MSRA: variants seen among roughly 807,000 people sequenced by gnomAD.
MSRA encodes methionine sulfoxide reductase A.
In MSRA, 54 loss-of-function variants were observed where a neutral mutation model predicts 31.3. The ratio of observed to expected loss-of-function variants is 1.73; its 90% CI spans 1.39 to 2.17. MSRA has a LOEUF of 2.17. MSRA is among the 30% of genes most tolerant of loss of function. MSRA has a pLI of 0.00. For missense variants in MSRA, 507 were observed against 300.9 expected (o/e 1.69, Z -5.07); for synonymous variants, 169 against 116.5 (o/e 1.45, Z -2.90).
In MSRA at chr8:10,391,968, G is replaced by A. The variant is rs182438307; in HGVS notation, c.544-36180G>A. On this transcript the variant is annotated intron_variant, in intron 5 of 5. Coordinates refer to ENST00000317173, the MANE Select transcript of MSRA (RefSeq NM_012331.5). ...GAACATGTCTCTAAATTTCCAAAAGGTGGTATTTTAGGCCTAGACTTCAGA... is the reference window on the plus strand; with the variant it reads ...GAACATGTCTCTAAATTTCCAAAAGATGGTATTTTAGGCCTAGACTTCAGA... Among the ~76,000 whole-genome samples the A allele has an allele frequency of 1.2e-4, 18 of 152,300 alleles. No individual in the cohort carries two copies. The East Asian group carries it at 3.5e-3, about 29-fold the overall frequency.
chr8:10,394,804 C>G (rs1806992875), intron 5 of MSRA, among the ~76,000 whole-genome samples: 1 of 152,220 alleles, frequency 6.6e-6, no homozygotes, highest in African/African-American at 2.4e-5. Flanking sequence ...TTGGCTTGTC[C>G]CACCTCCACC....
At chr8:10,222,246 C>G (rs1411659815) in intron 2 of MSRA, among the ~76,000 whole-genome samples, 1 of 152,048 alleles carries the variant, frequency 6.6e-6, no homozygotes, top group Non-Finnish European at 1.5e-5. Context: ...AGCTTTAGGC[C>G]TTTATAGACC....
At chr8:10,258,504 GGCT>G (rs752008654) in intron 3 of MSRA, among the ~76,000 whole-genome samples, 3 of 152,108 alleles carry the variant, frequency 2.0e-5, no homozygotes, top group African/African-American at 7.2e-5. Flanking sequence ...GCTCTCAATA[GGCT>G]CCTGATCAAT....
At chr8:10,225,954 G>C (rs1485061521) in intron 2 of MSRA, among the ~76,000 whole-genome samples, 1 of 152,176 alleles carries the variant, frequency 6.6e-6, no homozygotes, top group Non-Finnish European at 1.5e-5. Flanking sequence ...ATGACTGTGT[G>C]GCATGCCATA....
At chr8:10,321,276 A>T (rs1454908257) in intron 5 of MSRA, among the ~76,000 whole-genome samples, 2 of 152,194 alleles carry the variant, frequency 1.3e-5, no homozygotes, top group African/African-American at 4.8e-5. Flanking sequence ...AGAAGCTACT[A>T]TAAAGCTAAT....
At chr8:10,365,408 A>T (rs1052147895) in intron 5 of MSRA, among the ~76,000 whole-genome samples, 1 of 152,210 alleles carries the variant, frequency 6.6e-6, no homozygotes, top group Non-Finnish European at 1.5e-5. Flanking sequence ...ACATTGTTTC[A>T]TCTTAAAATA....
chr8:10,139,933 G>A (rs924657143), intron 1 of MSRA, among the ~76,000 whole-genome samples: 1 of 152,200 alleles, frequency 6.6e-6, no homozygotes, highest in Non-Finnish European at 1.5e-5. Context: ...GAAGATTTCT[G>A]TTCTTACCCA....
intron 3 of MSRA, among the ~76,000 whole-genome samples, chr8:10,245,572 G>A (rs1797581140): frequency 6.6e-6 from 1 of 152,208 alleles, no homozygotes; most frequent in Non-Finnish European, 1.5e-5. Flanking sequence ...ATGTGGCTAA[G>A]GTCAACCTGT....
At chr8:10,103,836 T>C (rs1013248365) in intron 1 of MSRA, among the ~76,000 whole-genome samples, 1 of 145,076 alleles carries the variant, frequency 6.9e-6, no homozygotes, top group African/African-American at 2.6e-5. Flanking sequence ...ATATTTATTT[T>C]CCTCAGATGT....
At chr8:10,177,571 C>T (rs150861646) in intron 1 of MSRA, among the ~76,000 whole-genome samples, 1 of 152,158 alleles carries the variant, frequency 6.6e-6, no homozygotes. Context: ...GTCACTGTTT[C>T]ATATGCTATA....
intron 3 of MSRA, among the ~76,000 whole-genome samples, chr8:10,269,820 G>A (rs2952180): frequency 6.6e-6 from 1 of 151,986 alleles, no homozygotes; most frequent in Non-Finnish European, 1.5e-5. Context: ...CCCGGCTAAT[G>A]TTTTGTATTT....
chr8:10,269,286 A>G (rs914445321), intron 3 of MSRA, among the ~76,000 whole-genome samples: 16 of 152,246 alleles, frequency 1.1e-4, no homozygotes, highest in African/African-American at 2.7e-4. Flanking sequence ...ATTGTAACTC[A>G]TCCCTTTGTC....
intron 5 of MSRA, among the ~76,000 whole-genome samples, chr8:10,426,354 A>T (rs1481095034): frequency 6.6e-6 from 1 of 152,190 alleles, no homozygotes; most frequent in African/African-American, 2.4e-5. Flanking sequence ...TGTTCGCGTG[A>T]AGGTCAGGGA....
At chr8:10,213,560 C>A (rs1809712210) in intron 2 of MSRA, among the ~76,000 whole-genome samples, 1 of 151,510 alleles carries the variant, frequency 6.6e-6, no homozygotes, top group African/African-American at 2.4e-5. Context: ...CCTCAGCTTC[C>A]CGAGTAGCTG....
At chr8:10,341,894 G>C (rs547024135) in intron 5 of MSRA, among the ~76,000 whole-genome samples, 1 of 152,336 alleles carries the variant, frequency 6.6e-6, no homozygotes, top group South Asian at 2.1e-4. Context: ...GCTCGGGACA[G>C]TGCCAGCTAA....
intron 1 of MSRA, among the ~76,000 whole-genome samples, chr8:10,139,738 A>G (rs1802548847): frequency 6.6e-6 from 1 of 152,222 alleles, no homozygotes; most frequent in South Asian, 2.1e-4. Flanking sequence ...GTATATGTAT[A>G]TACACCACAT....
At chr8:10,427,301 A>G (rs895383835) in intron 5 of MSRA, among the ~76,000 whole-genome samples, 1 of 152,184 alleles carries the variant, frequency 6.6e-6, no homozygotes, top group East Asian at 1.9e-4. Context: ...CAAAGGGGAG[A>G]AGAAGCAGGC....
At position 10,219,805 on chromosome 8, in the gene MSRA, C is replaced by CAAAAAAAAAA. The variant is rs202000887; in HGVS notation, c.211+11904_211+11905insAAAAAAAAAA. The stretch of plus-strand genomic sequence containing the variant: ...TGGACGACAGATCGAGACTCTGTCT[C>CAAAAAAAAAA]CAAAAAAAAAAAAAAAAAAAAAAGA... On this transcript the variant is annotated intron_variant, in intron 2 of 5. Coordinates refer to ENST00000317173, the MANE Select transcript of MSRA (RefSeq NM_012331.5). Among the ~76,000 whole-genome samples the CAAAAAAAAAA allele has an allele frequency of 3.2e-3, 147 of 46,042 alleles. 11 individuals carry two copies. Among genetic ancestry groups the CAAAAAAAAAA allele is most frequent in the East Asian group, 0.017 (13 of 750 alleles). 30.2% of individuals were successfully genotyped at this position (46,042 alleles called of 152,430 possible).
intron 3 of MSRA, among the ~76,000 whole-genome samples, chr8:10,289,403 A>T (rs1304502874): frequency 1.3e-5 from 2 of 151,892 alleles, no homozygotes; most frequent in Non-Finnish European, 2.9e-5. Flanking sequence ...GATAGTGGGT[A>T]TATATATTTA....
Sources: gnomAD v4.1 joint callset for allele counts (sites outside exome capture counted in the v4.1 genomes callset) on GRCh38, gnomAD v4.1.1 for gene constraint, MANE v1.5 for transcripts, NCBI Gene and HGNC (gene_info 2026-07-23, HGNC 2026-07-21) for gene names.